The following ADGRE1 variants were observed in gnomAD, a reference collection of about 807,000 sequenced individuals.
The protein encoded by ADGRE1 is EGF-like module receptor 1.
In ADGRE1, 82 loss-of-function variants were observed where a neutral mutation model predicts 102.7. That is an observed-to-expected ratio of 0.80 (90% CI 0.67 to 0.96). The LOEUF (loss-of-function observed/expected upper bound fraction) is 0.96. Among genes scored for constraint, ADGRE1 ranks in the 40% least tolerant of loss-of-function variants. ADGRE1 has a pLI of 0.00. For synonymous variants in ADGRE1, 398 were observed against 399.6 expected (o/e 1.00, Z 0.05); for missense variants, 1,032 against 1,085.3 (o/e 0.95, Z 0.69).
At chr19:6,896,892 G>A in intron 3 of ADGRE1, 1 of 491,882 alleles carries the variant, frequency 2.0e-6, no homozygotes, top group South Asian at 3.2e-5. Flanking sequence ...ATGGTGGCTG[G>A]ATTCCAAGGA....
intron 10 of ADGRE1, 36 bp downstream of exon 10, chr19:6,908,808 T>C: frequency 6.3e-7 from 1 of 1,579,932 alleles, no homozygotes; most frequent in Non-Finnish European, 8.6e-7. Flanking sequence ...GTTTTGAGTT[T>C]CAAACATCTT....
chr19:6,919,574 T>C lies in ADGRE1; in HGVS notation c.1447T>C (p.Phe483Leu), dbSNP rs1974551272. The change falls in exon 13 of 21, where the codon TTT (phenylalanine) becomes CTT (leucine). Residue 483 changes from phenylalanine (F) to leucine (L), a missense_variant. By Grantham distance (22) the Phe-to-Leu change is conservative. Transcript: ENST00000312053. The part of the protein sequence containing the change: ...TETTGVAFVS[F>L]VGMESVLNER... ...GACCACTGGTGTGGCTTTTGTCTCCTTTGTGGGCATGGAATCGGTTTTAAA... is the reference window on the plus strand; with the variant it reads ...GACCACTGGTGTGGCTTTTGTCTCCCTTGTGGGCATGGAATCGGTTTTAAA... 3 of 1,613,476 alleles carry C rather than the reference T, an allele frequency of 1.9e-6. No individual in the cohort carries two copies. Among genetic ancestry groups the C allele is most frequent in the Non-Finnish European group, 2.5e-6 (3 of 1,179,900 alleles).
intron 13 of ADGRE1, among the ~76,000 whole-genome samples, chr19:6,920,393 G>A (rs1974602644): frequency 1.3e-5 from 2 of 151,252 alleles, no homozygotes; most frequent in African/African-American, 4.9e-5. Context: ...CTAATTTTTT[G>A]TATTTTTAGT....
chr19:6,934,952 A>T, intron 17 of ADGRE1, 35 bp from the exon 18 acceptor site: 2 of 1,469,106 alleles, frequency 1.4e-6, no homozygotes, highest in Non-Finnish European at 1.8e-6. Context: ...CTATTTGTAT[A>T]TCCAGTCTCT....
intron 9 of ADGRE1, among the ~76,000 whole-genome samples, chr19:6,907,274 G>T (rs550032585): frequency 1.6e-4 from 24 of 152,016 alleles, no homozygotes; most frequent in Non-Finnish European, 2.6e-4. Context: ...ATTTTAAAGT[G>T]TGCAATTCAG....
intron 16 of ADGRE1, among the ~76,000 whole-genome samples, chr19:6,927,857 A>G (rs1247343496): frequency 6.6e-6 from 1 of 152,088 alleles, no homozygotes; most frequent in Non-Finnish European, 1.5e-5. Context: ...AAGGTGTACC[A>G]GTGGAGAGTT....
intron 11 of ADGRE1, among the ~76,000 whole-genome samples, 167 bp downstream of exon 11, chr19:6,913,997 A>C (rs980109566): frequency 5.3e-5 from 8 of 152,258 alleles, no homozygotes; most frequent in African/African-American, 1.9e-4. Flanking sequence ...TTTTCCATTC[A>C]CTGAGTGCTT....
intron 19 of ADGRE1, 46 bp downstream of exon 19, chr19:6,937,457 T>TC (rs752494197): frequency 2.0e-5 from 19 of 941,518 alleles, no homozygotes; most frequent in Non-Finnish European, 2.6e-5. Flanking sequence ...CATCCCCCTC[T>TC]CCCCCCTTCC....
rs1599741331 is a variant in ADGRE1 at position 6,915,038 on chromosome 19, C to T, written c.1300+1208C>T. Reference sequence around the variant, plus strand: ...TTTTTTTTCTTGAGACAGGTTCTCACTCTGTCACCTAGGCTGGAGTGCAGT... The same window carrying T: ...TTTTTTTTCTTGAGACAGGTTCTCATTCTGTCACCTAGGCTGGAGTGCAGT... On this transcript the variant is annotated intron_variant, in intron 11 of 20. Transcript: ENST00000312053. 2.6e-5 allele frequency among the ~76,000 whole-genome samples: 4 copies of T among 151,802 alleles called. No homozygotes were observed. In the South Asian group the frequency reaches 8.3e-4, roughly 32 times the overall value.
intron 8 of ADGRE1, 90 bp from the exon 9 acceptor site, chr19:6,906,343 G>T: frequency 1.8e-6 from 2 of 1,120,100 alleles, no homozygotes; most frequent in South Asian, 1.3e-5. Context: ...ATTTTAAGTC[G>T]GGCACGGGAG....
intron 1 of ADGRE1, among the ~76,000 whole-genome samples, chr19:6,889,962 G>T (rs1477199051): frequency 6.6e-6 from 1 of 152,018 alleles, no homozygotes; most frequent in Non-Finnish European, 1.5e-5. Flanking sequence ...ACCTAGGCTG[G>T]AGCGCAGTGG....
rs144030970 is a variant in ADGRE1 at position 6,929,095 on chromosome 19, A to T, written c.2289+884A>T. The stretch of plus-strand genomic sequence containing the variant: ...TTGTATCCGTCTTGTGCACAGGTCC[A>T]TGAGTCTCTCTGAAGCAGTGTCATT... On this transcript the variant is annotated intron_variant, in intron 17 of 20. Coordinates refer to ENST00000312053, the MANE Select transcript of ADGRE1 (RefSeq NM_001974.5). Among the ~76,000 whole-genome samples, 461 of 152,288 alleles carry T rather than the reference A, an allele frequency of 3.0e-3. 7 individuals carry two copies. Among genetic ancestry groups the T allele is most frequent in the Admixed American group, 0.028 (422 of 15,288 alleles).
chr19:6,934,404 ATTCTTCTTC>A lies in ADGRE1; in HGVS notation c.2290-574_2290-566del, dbSNP rs1174459306. 2.2e-3 allele frequency among the ~76,000 whole-genome samples: 321 copies of A among 143,928 alleles called. 6 individuals carry two copies. Among genetic ancestry groups the A allele is most frequent in the African/African-American group, 5.5e-3 (202 of 36,472 alleles). The allele number at this position is 143,928 out of a possible 152,430, so 94.4% of individuals were successfully genotyped here. A position where few individuals can be genotyped will look rare whatever the true frequency, so the allele number is the denominator to read the frequency against. On this transcript the variant is annotated intron_variant, in intron 17 of 20. Transcript: ENST00000312053. ...TGGTTGCTATAAATCGTGGGTCAGAATTCTTCTTCTTCTTCTTTTTTTTTTTTTTTTTTT... is the reference window on the plus strand; with the variant it reads ...TGGTTGCTATAAATCGTGGGTCAGAATTCTTCTTTTTTTTTTTTTTTTTTT...
In ADGRE1 at chr19:6,937,286, T is replaced by A; in HGVS notation, c.2425T>A (p.Cys809Ser). 1 of 1,614,150 alleles carries A rather than the reference T, an allele frequency of 6.2e-7. No homozygotes were observed. Among genetic ancestry groups the A allele is most frequent in the South Asian group, 1.1e-5 (1 of 91,088 alleles). ...KAFAQLFILGCSWVLGIFQIG... is the reference protein window; with the variant it reads ...KAFAQLFILGSSWVLGIFQIG... Reference sequence around the variant, plus strand: ...CTTTGCCCAGCTCTTCATCCTGGGCTGCTCCTGGGTGCTGGGCATTTTTCA... The same window carrying A: ...CTTTGCCCAGCTCTTCATCCTGGGCAGCTCCTGGGTGCTGGGCATTTTTCA... The change falls in exon 19 of 21, where the codon TGC becomes AGC. Residue 809 changes from cysteine (C) to serine (S), a missense_variant. Physicochemically the swap from Cys to Ser is moderately radical, Grantham distance 112. Transcript: ENST00000312053.
chr19:6,895,897 G>A (rs1044147156), intron 2 of ADGRE1: 1 of 152,554 alleles, frequency 6.6e-6, no homozygotes, highest in African/African-American at 2.4e-5. Flanking sequence ...CGTTTCCTAG[G>A]GCTGCTTAAA....
intron 17 of ADGRE1, among the ~76,000 whole-genome samples, chr19:6,931,547 C>G (rs1023892256): frequency 1.3e-5 from 2 of 152,154 alleles, no homozygotes; most frequent in Non-Finnish European, 2.9e-5. Flanking sequence ...CCTGTAATCC[C>G]AGCATTTTGG....
chr19:6,924,775 TC>T lies in ADGRE1; in HGVS notation c.1891del (p.Arg631GlufsTer58). 1 of 1,614,138 alleles carries T rather than the reference TC, an allele frequency of 6.2e-7. No individual in the cohort carries two copies. Among genetic ancestry groups the T allele is most frequent in the Non-Finnish European group, 8.5e-7 (1 of 1,180,020 alleles). On this transcript the variant is annotated frameshift_variant, in exon 15 of 21. Coordinates refer to ENST00000312053, the MANE Select transcript of ADGRE1 (RefSeq NM_001974.5). LOFTEE classifies it high-confidence loss of function. ...AIATFLLCRS[I>X]RNHNTYLHLH... ...GCCACCTTTCTGCTGTGTCGCTCCA[TC>T]CGAAATCACAACACCTACCTCCACC...
chr19:6,897,025 G>T, intron 3 of ADGRE1, 124 bp from the exon 4 acceptor site: 3 of 972,926 alleles, frequency 3.1e-6, no homozygotes, highest in Non-Finnish European at 2.9e-6. Flanking sequence ...CTTGACAGAA[G>T]AAGTACCAAA....
At chr19:6,920,635 C>T (rs369424053) in intron 13 of ADGRE1, among the ~76,000 whole-genome samples, 3 of 145,798 alleles carry the variant, frequency 2.1e-5, no homozygotes, top group South Asian at 2.2e-4. Context: ...GCCATTCTCC[C>T]GAGTAGCTGG....
Sources: gnomAD v4.1 joint callset for allele counts (sites outside exome capture counted in the v4.1 genomes callset) on GRCh38, gnomAD v4.1.1 for gene constraint, MANE v1.5 for transcripts, NCBI Gene and HGNC (gene_info 2026-07-23, HGNC 2026-07-21) for gene names.